GPC5: variants seen among roughly 807,000 people sequenced by gnomAD.
GPC5 encodes glypican 5, also known as glypican-5.
Under a neutral mutation model 53.9 loss-of-function variants are expected in GPC5, and 47 were observed. The observed-to-expected ratio is 0.87, with a 90% CI of 0.69 to 1.11. The LOEUF is 1.11. GPC5 is among the 50% of genes most tolerant of loss of function. The pLI is 0.00. For synonymous variants in GPC5, 286 were observed against 263.3 expected, an observed-to-expected ratio of 1.09 and a Z score of -0.84; for missense variants, 748 against 713.1, an observed-to-expected ratio of 1.05 and a Z score of -0.56.
At chr13:92,385,776 CATAT>C (rs67218526) in intron 7 of GPC5, among the ~76,000 whole-genome samples, 77,723 of 136,392 alleles carry the variant, frequency 0.57, 21,834 homozygotes, top group African/African-American at 0.64. Flanking sequence ...CGTATATATA[CATAT>C]ATGTATATAT....
intron 5 of GPC5, among the ~76,000 whole-genome samples, chr13:91,891,261 A>G (rs971532986): frequency 1.3e-5 from 2 of 152,166 alleles, no homozygotes; most frequent in Admixed American, 6.6e-5. Context: ...CTCATATTTA[A>G]AAACCTCTTG....
intron 7 of GPC5, among the ~76,000 whole-genome samples, chr13:92,415,406 T>G (rs184889410): frequency 1.3e-5 from 2 of 152,156 alleles, no homozygotes; most frequent in Admixed American, 1.3e-4. Flanking sequence ...TGAGGTATGT[T>G]TAGAAAATAA....
intron 2 of GPC5, among the ~76,000 whole-genome samples, chr13:91,611,237 C>A (rs561345135): frequency 2.6e-5 from 4 of 152,260 alleles, no homozygotes; most frequent in South Asian, 4.2e-4. Flanking sequence ...TATAAAAATT[C>A]TTTGCCAAGC....
Position 92,720,835 on chromosome 13 carries a change from T to A in GPC5, c.1562-145447T>A, listed in dbSNP as rs373267377. 3.9e-5 allele frequency among the ~76,000 whole-genome samples: 6 copies of A among 152,264 alleles called. No homozygotes were observed. The East Asian group carries it at 9.7e-4, about 25-fold the overall frequency. On this transcript the variant is annotated intron_variant, in intron 7 of 7. Coordinates refer to ENST00000377067, the MANE Select transcript of GPC5 (RefSeq NM_004466.6). ...ATTTTCCTTTACTAAAAGTTGTTTT[T>A]GCAATAAAATCAAGAATCATCTACC...
chr13:91,439,498 C>G (rs1348195187), intron 1 of GPC5, among the ~76,000 whole-genome samples: 2 of 152,176 alleles, frequency 1.3e-5, no homozygotes, highest in Non-Finnish European at 2.9e-5. Flanking sequence ...CAATCTGCAT[C>G]TTTTTCCTGA....
intron 7 of GPC5, among the ~76,000 whole-genome samples, chr13:92,671,925 A>G (rs187472224): frequency 7.6e-4 from 116 of 152,288 alleles, no homozygotes; most frequent in Middle Eastern, 3.4e-3. Flanking sequence ...GAGAACGTTG[A>G]CATTATCTTA....
At chr13:92,329,704 T>G (rs2043275651) in intron 7 of GPC5, among the ~76,000 whole-genome samples, 1 of 152,162 alleles carries the variant, frequency 6.6e-6, no homozygotes, top group African/African-American at 2.4e-5. Context: ...CACTTTAATT[T>G]GAGGAGTTTA....
At chr13:91,871,676 T>A (rs1464521026) in intron 5 of GPC5, among the ~76,000 whole-genome samples, 1 of 151,802 alleles carries the variant, frequency 6.6e-6, no homozygotes, top group Non-Finnish European at 1.5e-5. Flanking sequence ...ATTAGTACAG[T>A]CTTACATCTT....
chr13:92,791,912 A>G (rs1876478278), intron 7 of GPC5, among the ~76,000 whole-genome samples: 2 of 152,112 alleles, frequency 1.3e-5, no homozygotes, highest in African/African-American at 4.8e-5. Flanking sequence ...CATTAATTAG[A>G]TGACTATCAT....
At chr13:92,640,801 C>T (rs1265426801) in intron 7 of GPC5, among the ~76,000 whole-genome samples, 1 of 152,010 alleles carries the variant, frequency 6.6e-6, no homozygotes, top group African/African-American at 2.4e-5. Flanking sequence ...ATGAGGATTG[C>T]AATGGATTGT....
At chr13:92,823,514 G>T (rs1298638328) in intron 7 of GPC5, among the ~76,000 whole-genome samples, 1 of 152,058 alleles carries the variant, frequency 6.6e-6, no homozygotes, top group Non-Finnish European at 1.5e-5. Context: ...ATCATAGAGT[G>T]TACTACCATG....
intron 7 of GPC5, among the ~76,000 whole-genome samples, chr13:92,560,574 G>A (rs913553430): frequency 6.6e-6 from 1 of 151,956 alleles, no homozygotes; most frequent in African/African-American, 2.4e-5. Flanking sequence ...GAACATAATG[G>A]TTCTCCATAT....
At chr13:92,289,227 T>A (rs2042977416) in intron 7 of GPC5, among the ~76,000 whole-genome samples, 1 of 152,106 alleles carries the variant, frequency 6.6e-6, no homozygotes, top group African/African-American at 2.4e-5. Flanking sequence ...GGTGTAAAAT[T>A]TAATGGCATT....
intron 7 of GPC5, among the ~76,000 whole-genome samples, chr13:92,322,161 C>A (rs2043220344): frequency 6.6e-6 from 1 of 151,618 alleles, no homozygotes; most frequent in Non-Finnish European, 1.5e-5. Context: ...GAAACTGAGG[C>A]ATACAAAGGT....
At chr13:92,862,634 T>C (rs942218407) in intron 7 of GPC5, among the ~76,000 whole-genome samples, 1 of 142,088 alleles carries the variant, frequency 7.0e-6, no homozygotes, top group Admixed American at 6.9e-5. Flanking sequence ...GACAGATAGA[T>C]AGATAGATAG....
chr13:92,294,957 T>C (rs2043024498), intron 7 of GPC5, among the ~76,000 whole-genome samples: 2 of 151,668 alleles, frequency 1.3e-5, no homozygotes, highest in African/African-American at 2.4e-5. Context: ...GCCTCCCGAG[T>C]AGCTGGTATT....
intron 5 of GPC5, among the ~76,000 whole-genome samples, chr13:91,891,507 C>G (rs776485583): frequency 3.3e-5 from 5 of 151,970 alleles, no homozygotes; most frequent in African/African-American, 4.8e-5. Context: ...TGCAAATAAC[C>G]ATACGGCCAC....
intron 5 of GPC5, among the ~76,000 whole-genome samples, chr13:91,827,698 A>T (rs1017046875): frequency 6.6e-6 from 1 of 152,016 alleles, no homozygotes; most frequent in South Asian, 2.1e-4. Context: ...AAAGACTTAA[A>T]CTGTTTCTTG....
At chr13:91,799,064 A>G (rs1388900691) in intron 5 of GPC5, among the ~76,000 whole-genome samples, 2 of 152,164 alleles carry the variant, frequency 1.3e-5, no homozygotes, top group Non-Finnish European at 2.9e-5. Context: ...TCACAATAGC[A>G]AAGACATGGA....
Sources: gnomAD v4.1 joint callset for allele counts (sites outside exome capture counted in the v4.1 genomes callset) on GRCh38, gnomAD v4.1.1 for gene constraint, MANE v1.5 for transcripts, NCBI Gene and HGNC (gene_info 2026-07-23, HGNC 2026-07-21) for gene names.